Variants in PXDNL observed in about 807,000 individuals in gnomAD.
PXDNL encodes the protein probable oxidoreductase PXDNL.
PXDNL carries 145 observed loss-of-function variants against 150.8 expected under a neutral mutation model. The observed-to-expected ratio is 0.96, with a 90% CI of 0.84 to 1.10. The LOEUF is 1.10. Ranked by LOEUF, PXDNL falls within the 50% of genes least tolerant of loss-of-function variation. PXDNL has a pLI of 0.00. For missense variants in PXDNL, 2,087 were observed against 1,873.9 expected, an observed-to-expected ratio of 1.11 and a Z score of -2.10; for synonymous variants, 757 against 725.7, an observed-to-expected ratio of 1.04 and a Z score of -0.69.
intron 2 of PXDNL, among the ~76,000 whole-genome samples, chr8:51,596,141 C>T (rs1033906462): frequency 2.6e-5 from 4 of 152,100 alleles, no homozygotes. Flanking sequence ...TAAGTGAAAA[C>T]CTGTAGTATT....
chr8:51,491,917 C>T (rs1220000373), intron 5 of PXDNL, among the ~76,000 whole-genome samples: 2 of 152,232 alleles, frequency 1.3e-5, no homozygotes, highest in Admixed American at 6.5e-5. Flanking sequence ...GGGCTGGCTC[C>T]CTGCTCACAC....
At chr8:51,629,813 T>A (rs1446758790) in intron 2 of PXDNL, among the ~76,000 whole-genome samples, 1 of 152,168 alleles carries the variant, frequency 6.6e-6, no homozygotes, top group East Asian at 1.9e-4. Context: ...AAGTCTTTTA[T>A]ATCTAGCAAA....
At chr8:51,323,849 G>A (rs1357145961) in intron 21 of PXDNL, among the ~76,000 whole-genome samples, 1 of 151,636 alleles carries the variant, frequency 6.6e-6, no homozygotes, top group East Asian at 1.9e-4. Flanking sequence ...CCAAGAGGTA[G>A]AAGTTGCAGT....
At chr8:51,452,935 A>ACACATACACACACACACAC (rs1809839333) in intron 10 of PXDNL, among the ~76,000 whole-genome samples, 1 of 142,564 alleles carries the variant, frequency 7.0e-6, no homozygotes, top group African/African-American at 2.7e-5. Context: ...CACACACACA[A>ACACATACACACACACACAC]ACACACACAC....
At chr8:51,644,176 A>G (rs971828842) in intron 2 of PXDNL, among the ~76,000 whole-genome samples, 22 of 150,294 alleles carry the variant, frequency 1.5e-4, no homozygotes, top group Admixed American at 1.3e-3. Context: ...AAAGTTAAAT[A>G]AGTAAAATAA....
At chr8:51,693,120 C>G (rs1054422463) in intron 1 of PXDNL, among the ~76,000 whole-genome samples, 2 of 152,190 alleles carry the variant, frequency 1.3e-5, no homozygotes, top group African/African-American at 4.8e-5. Flanking sequence ...TCCTAATACA[C>G]TCAAAATAAC....
chr8:51,805,980 C>G (rs2037671019), intron 1 of PXDNL, among the ~76,000 whole-genome samples: 1 of 152,124 alleles, frequency 6.6e-6, no homozygotes, highest in Non-Finnish European at 1.5e-5. Context: ...AATTCTAATT[C>G]TGAAAGATTT....
intron 1 of PXDNL, among the ~76,000 whole-genome samples, chr8:51,663,441 A>G (rs181460674): frequency 1.4e-4 from 22 of 152,228 alleles, no homozygotes; most frequent in African/African-American, 5.3e-4. Flanking sequence ...TTTTTCAGGG[A>G]TTATGTGGTT....
intron 1 of PXDNL, among the ~76,000 whole-genome samples, chr8:51,776,402 C>T (rs1327338666): frequency 8.5e-5 from 13 of 152,160 alleles, no homozygotes; most frequent in South Asian, 2.1e-4. Context: ...GTGATGTCTG[C>T]CCCGGACACC....
intron 2 of PXDNL, among the ~76,000 whole-genome samples, chr8:51,624,032 G>T (rs759357913): frequency 7.9e-6 from 1 of 125,942 alleles, no homozygotes; most frequent in African/African-American, 3.0e-5. Flanking sequence ...GGTCAAGGCT[G>T]AAACAAGCTG....
chr8:51,594,821 AT>A (rs146351191), intron 2 of PXDNL, among the ~76,000 whole-genome samples: 2,249 of 152,296 alleles, frequency 0.015, 57 homozygotes, highest in African/African-American at 0.05. Flanking sequence ...AGAAACGGTC[AT>A]TTATGTTATG....
intron 5 of PXDNL, among the ~76,000 whole-genome samples, chr8:51,484,927 T>C (rs1489779580): frequency 3.9e-5 from 6 of 152,232 alleles, no homozygotes; most frequent in Non-Finnish European, 8.8e-5. Context: ...GAAAACACGA[T>C]GGTCTCTGCA....
chr8:51,567,480 A>G (rs999247900), intron 3 of PXDNL, among the ~76,000 whole-genome samples: 1 of 151,818 alleles, frequency 6.6e-6, no homozygotes, highest in East Asian at 1.9e-4. Context: ...TTGCTGTGTC[A>G]TCTTGGAAAA....
At chr8:51,692,148 C>T (rs979704105) in intron 1 of PXDNL, among the ~76,000 whole-genome samples, 2 of 152,118 alleles carry the variant, frequency 1.3e-5, no homozygotes, top group African/African-American at 4.8e-5. Flanking sequence ...GAGTCTGAGA[C>T]TTTTTATTAT....
intron 1 of PXDNL, among the ~76,000 whole-genome samples, chr8:51,663,209 A>G (rs1815311360): frequency 6.6e-6 from 1 of 152,186 alleles, no homozygotes; most frequent in Non-Finnish European, 1.5e-5. Flanking sequence ...CACAGCAGGC[A>G]CTGCCTCCAT....
intron 3 of PXDNL, among the ~76,000 whole-genome samples, chr8:51,592,246 G>A (rs544639191): frequency 6.6e-6 from 1 of 152,218 alleles, no homozygotes; most frequent in African/African-American, 2.4e-5. Flanking sequence ...GGAAGGTCTT[G>A]GATAGATACT....
chr8:51,749,994 C>T (rs2037027240), intron 1 of PXDNL, among the ~76,000 whole-genome samples: 2 of 152,124 alleles, frequency 1.3e-5, no homozygotes, highest in South Asian at 4.1e-4. Flanking sequence ...GCCACCAGGC[C>T]CGGTCCACTA....
chr8:51,424,186 G>T (rs1190650772), intron 13 of PXDNL, among the ~76,000 whole-genome samples: 1 of 151,944 alleles, frequency 6.6e-6, no homozygotes, highest in East Asian at 1.9e-4. Context: ...GACATAGCAA[G>T]ACCCCATCCC....
chr8:51,581,750 A>G (rs1347193494), intron 3 of PXDNL, among the ~76,000 whole-genome samples: 1 of 152,092 alleles, frequency 6.6e-6, no homozygotes, highest in Non-Finnish European at 1.5e-5. Context: ...GTTTGGAAGT[A>G]TTCCTTAATA....
Sources: gnomAD v4.1 joint callset for allele counts (sites outside exome capture counted in the v4.1 genomes callset) on GRCh38, gnomAD v4.1.1 for gene constraint, MANE v1.5 for transcripts, NCBI Gene and HGNC (gene_info 2026-07-23, HGNC 2026-07-21) for gene names.